The following ABCB5 variants were observed in gnomAD, a reference collection of about 807,000 sequenced individuals.
The protein encoded by ABCB5 is ATP binding cassette subfamily B member 5, also known as ATP-binding cassette sub-family B member 5.
Under a neutral mutation model 144.2 loss-of-function variants are expected in ABCB5, and 155 were observed. That is an observed-to-expected ratio of 1.08 (90% CI 0.94 to 1.23). The LOEUF is 1.23. ABCB5 is among the 50% of genes most tolerant of loss of function. ABCB5 has a pLI of 0.00. For synonymous variants in ABCB5, 610 were observed against 528.6 expected (o/e 1.15, Z -2.11); for missense variants, 1,830 against 1,520.8 (o/e 1.20, Z -3.38).
At chr7:20,632,883 G>A (rs1784068931) in intron 5 of ABCB5, among the ~76,000 whole-genome samples, 1 of 129,912 alleles carries the variant, frequency 7.7e-6, no homozygotes, top group African/African-American at 2.8e-5. Context: ...AGGGGGGAGG[G>A]ATAGCATTGG....
At chr7:20,660,901 T>C (rs1015609440) in intron 14 of ABCB5, among the ~76,000 whole-genome samples, 4 of 152,210 alleles carry the variant, frequency 2.6e-5, no homozygotes, top group Non-Finnish European at 4.4e-5. Flanking sequence ...CTTCCACTTA[T>C]ACAAAGTTCT....
rs753405883 is a variant in ABCB5, at chr7:20,704,753, C to T, written c.2367C>T (p.Asn789=). The change falls in exon 20 of 28, where the codon AAC becomes AAT. Residue 789 remains asparagine (N), a synonymous_variant. Coordinates refer to ENST00000404938, the MANE Select transcript of ABCB5 (RefSeq NM_001163941.2). ...TTGCCTGGTTTGATGAAAAGGAAAA[C>T]AGCACAGGAGGCTTGACAACAATAT... The part of the protein sequence containing the change: ...QDIAWFDEKE[N]STGGLTTILA... 7.4e-6 allele frequency: 12 copies of T among 1,613,600 alleles called. No individual in the cohort carries two copies. In the South Asian group the frequency reaches 1.2e-4, roughly 16 times the overall value.
intron 14 of ABCB5, among the ~76,000 whole-genome samples, chr7:20,670,638 G>T (rs923305496): frequency 6.6e-6 from 1 of 152,302 alleles, no homozygotes; most frequent in South Asian, 2.1e-4. Flanking sequence ...GGCCGGGTGC[G>T]GTGGCTCATG....
intron 20 of ABCB5, among the ~76,000 whole-genome samples, chr7:20,720,937 C>T (rs1781845131): frequency 1.1e-5 from 1 of 90,334 alleles, no homozygotes; most frequent in South Asian, 4.5e-4. Flanking sequence ...GAGCGAAACT[C>T]TGCCTCAAAA....
intron 13 of ABCB5, among the ~76,000 whole-genome samples, chr7:20,652,369 A>T (rs1445045375): frequency 4.6e-5 from 7 of 152,200 alleles, no homozygotes; most frequent in African/African-American, 1.7e-4. Context: ...GGAGTTTGAG[A>T]CCAGCTTCGC....
chr7:20,720,781 T>TA lies in ABCB5; in HGVS notation c.2422-2230dup, dbSNP rs1230707843. ...TAACACGGTGAAACCCCGTCTCTACTAAAAATACAAAAATTAGCCGGGCAT... is the reference window on the plus strand; with the variant it reads ...TAACACGGTGAAACCCCGTCTCTACTAAAAAATACAAAAATTAGCCGGGCAT... On this transcript the variant is annotated intron_variant, in intron 20 of 27. Coordinates refer to ENST00000404938, the MANE Select transcript of ABCB5 (RefSeq NM_001163941.2). 3.3e-5 allele frequency among the ~76,000 whole-genome samples: 5 copies of TA among 151,424 alleles called. No individual in the cohort carries two copies. The East Asian group carries it at 7.8e-4, about 24-fold the overall frequency.
At chr7:20,744,781 AT>A (rs886831705) in intron 25 of ABCB5, among the ~76,000 whole-genome samples, 10 of 151,542 alleles carry the variant, frequency 6.6e-5, no homozygotes, top group African/African-American at 9.7e-5. Context: ...AATTAAAAAA[AT>A]ATATATATAT....
rs998534128 is a variant in ABCB5 at position 20,632,130 on chromosome 7, C to A, written c.314+17C>A. Reference sequence around the variant, plus strand: ...TATGACTCTGTAAGTCCAAATGAAACGTTAATATCACATTCGTTGAATGAT... The same window carrying A: ...TATGACTCTGTAAGTCCAAATGAAAAGTTAATATCACATTCGTTGAATGAT... On this transcript the variant is annotated intron_variant, in intron 5 of 27. Transcript: ENST00000404938. 1.4e-6 allele frequency: 2 copies of A among 1,472,214 alleles called. No individual in the cohort carries two copies. Among genetic ancestry groups the A allele is most frequent in the African/African-American group, 1.4e-5 (1 of 70,108 alleles). 91.2% of individuals were successfully genotyped at this position (1,472,214 alleles called of 1,614,324 possible). A position where few individuals can be genotyped will look rare whatever the true frequency, so the allele number is the denominator to read the frequency against.
rs1443362398 is a variant in ABCB5 at position 20,681,120 on chromosome 7, C to CT, written c.1708-382dup. Among the ~76,000 whole-genome samples, 107 of 87,944 alleles carry CT rather than the reference C, an allele frequency of 1.2e-3. 7 individuals are homozygous for CT. Among genetic ancestry groups the CT allele is most frequent in the Middle Eastern group, 6.2e-3 (1 of 162 alleles). 57.7% of individuals were successfully genotyped at this position (87,944 alleles called of 152,430 possible). On this transcript the variant is annotated intron_variant, in intron 14 of 27. Transcript: ENST00000404938. ...TCTTTCTTTCTTTCTTTCTTTCTTT[C>CT]TTTCTTTTTCTTTCTGTCTTCTTTT...
chr7:20,665,808 C>CATAT (rs1562549677), intron 14 of ABCB5, among the ~76,000 whole-genome samples: 13 of 147,264 alleles, frequency 8.8e-5, no homozygotes, highest in African/African-American at 3.0e-4. Context: ...TACATACATA[C>CATAT]AGATATAGAT....
At chr7:20,719,173 A>G (rs1159451634) in intron 20 of ABCB5, among the ~76,000 whole-genome samples, 3 of 152,288 alleles carry the variant, frequency 2.0e-5, no homozygotes, top group Non-Finnish European at 2.9e-5. Flanking sequence ...TTTCATGATC[A>G]GAGCAAAAAA....
chr7:20,686,330 C>T (rs1426418180), intron 16 of ABCB5, among the ~76,000 whole-genome samples: 1 of 152,164 alleles, frequency 6.6e-6, no homozygotes, highest in African/African-American at 2.4e-5. Flanking sequence ...CTCCTACCCC[C>T]AAAGCCCCAG....
chr7:20,619,530 T>C (rs1562524371), intron 1 of ABCB5, among the ~76,000 whole-genome samples: 1 of 149,828 alleles, frequency 6.7e-6, no homozygotes, highest in African/African-American at 2.5e-5. Context: ...AATGGGGTTA[T>C]TTGTTTTTTT....
In ABCB5 at chr7:20,741,488, AG is replaced by A. The variant is rs1782559840; in HGVS notation, c.3025-1384del. On this transcript the variant is annotated intron_variant, in intron 24 of 27. Transcript: ENST00000404938. Reference sequence around the variant, plus strand: ...TATACAAATAATATTCATAGGTTGTAGGGGGCAAATGGAAAATACTCACTAC... The same window carrying A: ...TATACAAATAATATTCATAGGTTGTAGGGGCAAATGGAAAATACTCACTAC... 2.0e-5 allele frequency among the ~76,000 whole-genome samples: 3 copies of A among 151,956 alleles called. No individual in the cohort carries two copies. The South Asian group carries it at 6.3e-4, about 32-fold the overall frequency.
At chr7:20,617,217 A>G (rs1336242943) in intron 1 of ABCB5, among the ~76,000 whole-genome samples, 1 of 152,202 alleles carries the variant, frequency 6.6e-6, no homozygotes, top group Admixed American at 6.5e-5. Flanking sequence ...AGTACCTGGC[A>G]CAGTATATAT....
chr7:20,744,269 T>G (rs1394131067), intron 25 of ABCB5, among the ~76,000 whole-genome samples: 1 of 152,134 alleles, frequency 6.6e-6, no homozygotes, highest in African/African-American at 2.4e-5. Context: ...GGTTTCACCA[T>G]GTTAACCAGG....
chr7:20,631,705 G>A (rs1784041905), intron 4 of ABCB5, among the ~76,000 whole-genome samples: 1 of 152,102 alleles, frequency 6.6e-6, no homozygotes, highest in Non-Finnish European at 1.5e-5. Flanking sequence ...TCCCTGGAGT[G>A]TTTCAAACTT....
chr7:20,668,185 C>T (rs1357804918), intron 14 of ABCB5, among the ~76,000 whole-genome samples: 502 of 144,810 alleles, frequency 3.5e-3, no homozygotes, highest in African/African-American at 0.013. Context: ...GGCCCCCCAT[C>T]GTCTGGGATA....
At chr7:20,667,281 T>C in intron 14 of ABCB5, 3 of 984,260 alleles carry the variant, frequency 3.0e-6, no homozygotes, top group Non-Finnish European at 3.6e-6. Context: ...ACAGATGAAA[T>C]GCTTGATAAG....
Sources: allele counts gnomAD v4.1 joint callset (sites outside exome capture counted in the v4.1 genomes callset), GRCh38; gene constraint gnomAD v4.1.1; transcripts MANE v1.5; gene names NCBI Gene and HGNC (gene_info 2026-07-23, HGNC 2026-07-21).